Variants in USHBP1 observed in about 807,000 individuals in gnomAD.
The protein encoded by USHBP1 is USH1 protein network component harmonin binding protein 1.
USHBP1 carries 67 observed loss-of-function variants against 76.2 expected under a neutral mutation model. The ratio of observed to expected loss-of-function variants is 0.88; its 90% confidence interval spans 0.72 to 1.08. The LOEUF (loss-of-function observed/expected upper bound fraction) is 1.08, where lower values mean the gene tolerates loss of function less well. Ranked by LOEUF, USHBP1 falls within the 50% of genes least tolerant of loss-of-function variation. The pLI is 0.00. For synonymous variants in USHBP1, 322 were observed against 362.2 expected (o/e 0.89, Z 1.26); for missense variants, 931 against 915.0 (o/e 1.02, Z -0.23).
rs774769664 is a variant in USHBP1, at chr19:17,255,527, A to G, written c.1550T>C (p.Leu517Pro). The change falls in exon 10 of 13, where the codon CTC (leucine) becomes CCC (proline). Residue 517 changes from leucine (L) to proline (P), a missense_variant. By Grantham distance (98) the Leu-to-Pro change is moderately conservative. Coordinates refer to ENST00000252597, the MANE Select transcript of USHBP1 (RefSeq NM_031941.4). ...CACGTGAGCTGGACCCAGGGCTCGG[A>G]GGGCAGCCTCCCGCAGCTCTAGGCC... ...KRGLELREAA[L>P]RALGPAHVLL... The G allele has an allele frequency of 5.0e-6, 8 of 1,613,600 alleles. No individual in the cohort carries two copies. In the Admixed American group the frequency reaches 1.2e-4, roughly 24 times the overall value.
chr19:17,250,839 C>G (rs1270986095), intron 12 of USHBP1, among the ~76,000 whole-genome samples: 1 of 152,020 alleles, frequency 6.6e-6, no homozygotes, highest in East Asian at 1.9e-4. Flanking sequence ...CAGGCGTGAG[C>G]CACCATGCCC....
intron 12 of USHBP1, 83 bp downstream of exon 12, chr19:17,251,499 G>A (rs1599463908): frequency 4.4e-6 from 7 of 1,574,632 alleles, no homozygotes; most frequent in Non-Finnish European, 6.1e-6. Flanking sequence ...GGAATGCTAA[G>A]GCCCAGAGAC....
chr19:17,250,924 AATC>A (rs2073542693), intron 12 of USHBP1, among the ~76,000 whole-genome samples: 1 of 147,142 alleles, frequency 6.8e-6, no homozygotes. Flanking sequence ...GCAATGGCAC[AATC>A]TCGGCTCACT....
chr19:17,255,403 G>T lies in USHBP1; in HGVS notation c.1674C>A (p.Asp558Glu). 2 of 1,613,858 alleles carry T rather than the reference G, an allele frequency of 1.2e-6. No individual in the cohort carries two copies. The highest frequency in any genetic ancestry group is 1.7e-6 in the Non-Finnish European group (2 of 1,179,898). ...GHSSGGGSSG[D>E]EEEWYQGLPA... ...AGCTCACCTGATACCACTCTTCCTC[G>T]TCCCCGCTGCTGCCACCTCCGCTGC... Residue 558 changes from aspartate to glutamate, a missense_variant, in exon 10 of 13, where the codon GAC becomes GAA. By Grantham distance (45) the Asp-to-Glu change is conservative. Transcript: ENST00000252597.
intron 12 of USHBP1, among the ~76,000 whole-genome samples, chr19:17,251,166 GTTGT>G (rs1404054539): frequency 4.5e-5 from 3 of 66,424 alleles, no homozygotes; most frequent in African/African-American, 9.3e-5. Flanking sequence ...GGCCCAGCCT[GTTGT>G]TTTTTTTTTT....
At chr19:17,254,238 T>A (rs7508638) in intron 10 of USHBP1, among the ~76,000 whole-genome samples, 22,236 of 151,468 alleles carry the variant, frequency 0.15, 1,820 homozygotes, top group Non-Finnish European at 0.18. Context: ...TCCCAGCTAC[T>A]CGGCAGGCGG....
At chr19:17,252,262 C>T (rs1193216275) in intron 10 of USHBP1, among the ~76,000 whole-genome samples, 1 of 152,070 alleles carries the variant, frequency 6.6e-6, no homozygotes, top group African/African-American at 2.4e-5. Context: ...GTGGCACGAT[C>T]TTGGCTGACA....
At chr19:17,258,837 C>T (rs2073653453) in intron 7 of USHBP1, 1 of 238,726 alleles carries the variant, frequency 4.2e-6, no homozygotes, top group African/African-American at 2.3e-5. Flanking sequence ...TGGAAGCATG[C>T]AGACTCCCTT....
intron 9 of USHBP1, 116 bp downstream of exon 9, chr19:17,256,355 C>A (rs1182367632): frequency 5.5e-6 from 8 of 1,457,868 alleles, no homozygotes; most frequent in Non-Finnish European, 7.4e-6. Context: ...ATTCTCCCTT[C>A]ACAATGCCTG....
intron 3 of USHBP1, 95 bp downstream of exon 3, chr19:17,263,907 G>A (rs2073720832): frequency 7.1e-7 from 1 of 1,405,548 alleles, no homozygotes. Flanking sequence ...GGGAGCTATG[G>A]TAGGTGTGTG....
At position 17,255,437 on chromosome 19, in the gene USHBP1, C is replaced by T; in HGVS notation, c.1640G>A (p.Gly547Asp). The T allele has an allele frequency of 6.2e-7, 1 of 1,614,194 alleles. No homozygotes were observed. The highest frequency in any genetic ancestry group is 1.1e-5 in the South Asian group (1 of 91,082). The change falls in exon 10 of 13, where the codon GGC becomes GAC. Residue 547 changes from glycine to aspartate, a missense_variant. Physicochemically the swap from Gly to Asp is moderately conservative, Grantham distance 94. Transcript: ENST00000252597. Reference protein sequence around the residue: ...ELQAGGANSSGGHSSGGGSSG... With the variant: ...ELQAGGANSSDGHSSGGGSSG... ...GCTGCCACCTCCGCTGCTATGTCCG[C>T]CACTGCTGTTTGCCCCACCAGCCTG...
rs150478974 is a variant in USHBP1, at chr19:17,252,066, G to A, written c.1693-49C>T. On this transcript the variant is annotated intron_variant, in intron 10 of 12. Transcript: ENST00000252597. ...AGTGACATTAACCTAGGCCAAGTCC[G>A]TGCTTGGCCCACACTGGACATTGGA... 3.5e-4 allele frequency: 531 copies of A among 1,516,874 alleles called. 2 individuals carry two copies. The African/African-American group carries it at 5.6e-3, about 16-fold the overall frequency. The allele number at this position is 1,516,874 out of a possible 1,614,324, so 94.0% of individuals were successfully genotyped here.
At chr19:17,261,591 C>A (rs189609002) in intron 4 of USHBP1, among the ~76,000 whole-genome samples, 11 of 150,992 alleles carry the variant, frequency 7.3e-5, no homozygotes, top group African/African-American at 2.7e-4. Context: ...CTCGGCCTCC[C>A]AAAGTGCTGG....
chr19:17,251,613 C>G lies in USHBP1; in HGVS notation c.1891G>C (p.Glu631Gln), dbSNP rs781210059. 25 of 1,613,842 alleles carry G rather than the reference C, an allele frequency of 1.5e-5. 1 individual carries two copies. The highest frequency in any genetic ancestry group is 2.0e-5 in the Non-Finnish European group (24 of 1,179,982). ...GCTTTGCATAAATCCCTGTTCAGCT[C>G]GGCACTCTGAGACCGTCTGGCTCGC... ...KGRARRSQSA[E>Q]LNRDLCKAHS... is the part of the protein sequence containing the mutation. Residue 631 changes from glutamate (E) to glutamine (Q), a missense_variant, in exon 12 of 13, where the codon GAG becomes CAG. Physicochemically the swap from Glu to Gln is conservative, Grantham distance 29 (BLOSUM62 2). Transcript: ENST00000252597.
Position 17,254,362 on chromosome 19 carries a change from T to A in USHBP1, c.1692+1023A>T, listed in dbSNP as rs113146723. Among the ~76,000 whole-genome samples, 361 of 139,940 alleles carry A rather than the reference T, an allele frequency of 2.6e-3. 1 individual carries two copies. Among genetic ancestry groups the A allele is most frequent in the African/African-American group, 8.6e-3 (321 of 37,438 alleles). 91.8% of individuals were successfully genotyped at this position (139,940 alleles called of 152,430 possible). On this transcript the variant is annotated intron_variant, in intron 10 of 12. Coordinates refer to ENST00000252597, the MANE Select transcript of USHBP1 (RefSeq NM_031941.4). ...ACTCTGCCTCAAAAAAAATAAAAAATAATAATAAATAAGCCGGGTGCAGTG... is the reference window on the plus strand; with the variant it reads ...ACTCTGCCTCAAAAAAAATAAAAAAAAATAATAAATAAGCCGGGTGCAGTG...
intron 10 of USHBP1, among the ~76,000 whole-genome samples, chr19:17,252,532 G>A (rs1288559542): frequency 6.6e-6 from 1 of 151,924 alleles, no homozygotes; most frequent in African/African-American, 2.4e-5. Flanking sequence ...TTCAAGACCA[G>A]CCTGGTCAAC....
chr19:17,264,686 G>T lies in USHBP1; in HGVS notation c.-64C>A. 1 of 234,886 alleles carries T rather than the reference G, an allele frequency of 4.3e-6. No homozygotes were observed. Among genetic ancestry groups the T allele is most frequent in the East Asian group, 1.2e-4 (1 of 8,642 alleles). The allele number at this position is 234,886 out of a possible 1,614,324, so 14.6% of individuals were successfully genotyped here. ...CTCTCTCTACCTCTCTGATCCTCTG[G>T]GGGTAACTTGATCAGAGGCCTGAGT... is the stretch of plus-strand genomic sequence containing the variant. On this transcript the variant is annotated 5_prime_UTR_variant, in exon 1 of 13. Transcript: ENST00000252597.
rs147523486 is a variant in USHBP1, at chr19:17,263,061, G to A, written c.204-71C>T. 600 of 1,445,160 alleles carry A rather than the reference G, an allele frequency of 4.2e-4. 1 individual carries two copies. In the African/African-American group the frequency reaches 5.7e-3, roughly 14 times the overall value. 89.5% of individuals were successfully genotyped at this position (1,445,160 alleles called of 1,614,324 possible). On this transcript the variant is annotated intron_variant, in intron 3 of 12. Transcript: ENST00000252597. The stretch of plus-strand genomic sequence containing the variant: ...GGAATTCTTTTTTATTTTTTGAGAC[G>A]GAGTCTCACTCTGTTGCCCAGCCTG...
At chr19:17,250,808 C>G (rs567566404) in intron 12 of USHBP1, among the ~76,000 whole-genome samples, 41 of 152,258 alleles carry the variant, frequency 2.7e-4, no homozygotes, top group Non-Finnish European at 5.0e-4. Context: ...CCTGCCTCAG[C>G]CTCCCAAAGT....
Sources: gnomAD v4.1 joint callset for allele counts (sites outside exome capture counted in the v4.1 genomes callset) on GRCh38, gnomAD v4.1.1 for gene constraint, MANE v1.5 for transcripts, NCBI Gene and HGNC (gene_info 2026-07-23, HGNC 2026-07-21) for gene names.